The following SCNN1B variants were observed in gnomAD, a reference collection of about 807,000 sequenced individuals.
SCNN1B encodes the protein sodium channel epithelial 1 subunit beta.
SCNN1B carries 46 observed loss-of-function variants against 65.3 expected under a neutral mutation model. That is an observed-to-expected ratio of 0.70 (90% CI 0.56 to 0.90). The LOEUF (loss-of-function observed/expected upper bound fraction) is 0.90, where lower values mean the gene tolerates loss of function less well. SCNN1B is among the 40% of genes least tolerant of loss of function. SCNN1B has a pLI of 0.00. For missense variants in SCNN1B, 751 were observed against 830.5 expected, an observed-to-expected ratio of 0.90 and a Z score of 1.18; for synonymous variants, 349 against 330.6, an observed-to-expected ratio of 1.06 and a Z score of -0.60.
At chr16:23,295,061 T>C (rs184920099) in intron 2 of SCNN1B, among the ~76,000 whole-genome samples, 47 of 152,306 alleles carry the variant, frequency 3.1e-4, no homozygotes, top group Admixed American at 5.2e-4. Flanking sequence ...TTTTTCTGTA[T>C]AGCCATTATT....
intron 8 of SCNN1B, 42 bp downstream of exon 8, chr16:23,375,897 G>A (rs777710488): frequency 7.6e-7 from 1 of 1,308,726 alleles, no homozygotes; most frequent in Admixed American, 1.7e-5. Context: ...GCCATCTGGG[G>A]CCACAGAGGC....
intron 4 of SCNN1B, among the ~76,000 whole-genome samples, chr16:23,357,094 C>T (rs955861100): frequency 6.6e-6 from 1 of 152,242 alleles, no homozygotes; most frequent in African/African-American, 2.4e-5. Context: ...CCTCCTTGAT[C>T]TGGGGCCTCC....
chr16:23,283,066 T>C (rs1256603684), intron 1 of SCNN1B, among the ~76,000 whole-genome samples: 1 of 152,252 alleles, frequency 6.6e-6, no homozygotes, highest in African/African-American at 2.4e-5. Flanking sequence ...GCATTTGATA[T>C]ACCTGACCTA....
intron 7 of SCNN1B, among the ~76,000 whole-genome samples, chr16:23,374,884 G>T (rs901437761): frequency 6.6e-6 from 1 of 151,958 alleles, no homozygotes. Flanking sequence ...AACTGGATAG[G>T]CAATGAAACA....
intron 2 of SCNN1B, among the ~76,000 whole-genome samples, chr16:23,350,410 A>G (rs1428053431): frequency 3.3e-5 from 5 of 152,186 alleles, no homozygotes; most frequent in Admixed American, 3.3e-4. Flanking sequence ...ACACAAGAGG[A>G]GACCCAACCT....
At chr16:23,292,869 C>T (rs1226119078) in intron 2 of SCNN1B, among the ~76,000 whole-genome samples, 1 of 150,062 alleles carries the variant, frequency 6.7e-6, no homozygotes, top group Non-Finnish European at 1.5e-5. Context: ...AATCCTAGCA[C>T]TTTGGGAGCC....
At chr16:23,335,306 T>C (rs1424117163) in intron 1 of SCNN1B, among the ~76,000 whole-genome samples, 1 of 152,218 alleles carries the variant, frequency 6.6e-6, no homozygotes, top group East Asian at 1.9e-4. Flanking sequence ...TACCACTTTC[T>C]TGTGTGACCT....
chr16:23,333,194 GAAGGAAGGAAGGAAGGAAGA>G (rs1012184824), intron 1 of SCNN1B, among the ~76,000 whole-genome samples: 4,843 of 121,036 alleles, frequency 0.04, 102 homozygotes, highest in Middle Eastern at 0.064. Context: ...AGGAAGGAAG[GAAGGAAGGAAGGAAGGAAGA>G]AAGAAAAAAG....
chr16:23,289,869 T>C (rs968938531), intron 2 of SCNN1B, among the ~76,000 whole-genome samples: 22 of 151,756 alleles, frequency 1.4e-4, no homozygotes, highest in African/African-American at 4.8e-4. Context: ...AGAGACGGGG[T>C]TTCACCATGT....
chr16:23,305,106 G>A (rs973010403), intron 1 of SCNN1B, among the ~76,000 whole-genome samples: 10 of 151,968 alleles, frequency 6.6e-5, no homozygotes, highest in African/African-American at 9.7e-5. Flanking sequence ...AGAGATTTCC[G>A]CTTGTTGAGA....
intron 1 of SCNN1B, chr16:23,323,482 G>A (rs1961630354): frequency 3.9e-5 from 27 of 701,128 alleles, no homozygotes; most frequent in Non-Finnish European, 6.2e-5. Flanking sequence ...ACTGTGCTAG[G>A]TGCTTCATAT....
At chr16:23,304,548 C>T (rs1488843068) in intron 1 of SCNN1B, among the ~76,000 whole-genome samples, 2 of 152,182 alleles carry the variant, frequency 1.3e-5, no homozygotes, top group Admixed American at 1.3e-4. Context: ...CTCTAGATGC[C>T]CTCCAAAGCC....
At chr16:23,377,269 G>T (rs377068678) in intron 9 of SCNN1B, 29 bp downstream of exon 9, 2 of 1,614,072 alleles carry the variant, frequency 1.2e-6, no homozygotes, top group Non-Finnish European at 1.7e-6. Context: ...GCACAGCAGC[G>T]GGCAGGCATG....
In SCNN1B at chr16:23,356,316, A is replaced by G. The variant is rs1379628646; in HGVS notation, c.776+827A>G. 3.9e-5 allele frequency among the ~76,000 whole-genome samples: 6 copies of G among 152,068 alleles called. No homozygotes were observed. In the East Asian group the frequency reaches 1.2e-3, roughly 30 times the overall value. On this transcript the variant is annotated intron_variant, in intron 4 of 12. Coordinates refer to ENST00000343070, the MANE Select transcript of SCNN1B (RefSeq NM_000336.3). The stretch of plus-strand genomic sequence containing the variant: ...TTGAGAAGAGTAAATGAGTAAGTTC[A>G]TGGCAGCACCTAGAACAAGGCTATG...
intron 8 of SCNN1B, 33 bp downstream of exon 8, chr16:23,375,888 C>T (rs781107117): frequency 1.5e-6 from 2 of 1,366,780 alleles, no homozygotes; most frequent in Non-Finnish European, 1.0e-6. Flanking sequence ...GGCACTCCAG[C>T]CATCTGGGGC....
chr16:23,348,904 C>T lies in SCNN1B; in HGVS notation c.305C>T (p.Pro102Leu). ...FPAVTICNAS[P>L]FKYSKIKHLL... is the part of the protein sequence containing the mutation. ...GCCGTCACCATCTGCAATGCTAGCC[C>T]CTTCAAGTAGGTGGCCCCGGAGTGC... is the stretch of plus-strand genomic sequence containing the variant. The change falls in exon 2 of 13, where the codon CCC (proline) becomes CTC (leucine). Residue 102 changes from proline to leucine, a missense_variant. By Grantham distance (98) the Pro-to-Leu change is moderately conservative. Transcript: ENST00000343070. The surrounding 1 kb of genome is among the most constrained non-coding windows in gnomAD (Gnocchi z 4.5). 1 of 1,614,152 alleles carries T rather than the reference C, an allele frequency of 6.2e-7. No individual in the cohort carries two copies. The highest frequency in any genetic ancestry group is 8.5e-7 in the Non-Finnish European group (1 of 1,180,006).
intron 7 of SCNN1B, among the ~76,000 whole-genome samples, chr16:23,372,450 T>C (rs1173116084): frequency 6.6e-6 from 1 of 151,970 alleles, no homozygotes; most frequent in Non-Finnish European, 1.5e-5. Context: ...GAAATTGGGA[T>C]TGACAGACCC....
Position 23,357,912 on chromosome 16 carries a change from C to T in SCNN1B, c.776+2423C>T, listed in dbSNP as rs1366263989. On this transcript the variant is annotated intron_variant, in intron 4 of 12. Transcript: ENST00000343070. ...CAGACTACTGTAATGTCCACAAGCA[C>T]ATTCATCTCACCCGCTCAGCTGAAA... Among the ~76,000 whole-genome samples, 3 of 152,368 alleles carry T rather than the reference C, an allele frequency of 2.0e-5. 1 individual carries two copies. The highest frequency in any genetic ancestry group is 6.8e-3 in the Middle Eastern group (2 of 294).
At chr16:23,309,984 A>T (rs1224617419) in intron 1 of SCNN1B, among the ~76,000 whole-genome samples, 1 of 152,168 alleles carries the variant, frequency 6.6e-6, no homozygotes, top group Admixed American at 6.6e-5. Flanking sequence ...ACTATTAAGG[A>T]GGCCCCAGGT....
Sources: gnomAD v4.1 joint callset for allele counts (sites outside exome capture counted in the v4.1 genomes callset) on GRCh38, gnomAD v4.1.1 for gene constraint, Gnocchi (gnomAD v3.1) non-coding constraint, MANE v1.5 for transcripts, NCBI Gene and HGNC (gene_info 2026-07-23, HGNC 2026-07-21) for gene names.